RTL4: variants seen among roughly 807,000 people sequenced by gnomAD.
RTL4 encodes retrotransposon Gag like 4.
In RTL4, 4 loss-of-function variants were observed where a neutral mutation model predicts 5.3. The observed-to-expected ratio is 0.75, with a 90% CI of 0.37 to 1.72. The LOEUF is 1.72. Among genes scored for constraint, RTL4 ranks in the 40% most tolerant of loss-of-function variants. The probability of loss-of-function intolerance (pLI) is 0.04; values close to 1 mark genes in which losing one functional copy is unlikely to be tolerated. For missense variants in RTL4, 260 were observed against 227.1 expected (o/e 1.14, Z -0.93); for synonymous variants, 98 against 87.3 (o/e 1.12, Z -0.68).
At chrX:112,446,933 G>C in the RTL4 span, among the ~76,000 whole-genome samples, 2 of 112,220 alleles carry the variant, frequency 1.8e-5, no homozygotes, top group Non-Finnish European at 3.8e-5. Context: ...TCTAACTATG[G>C]CTGTTATGGA....
the RTL4 span, among the ~76,000 whole-genome samples, chrX:112,413,429 T>C: frequency 9.0e-6 from 1 of 111,715 alleles, no homozygotes; most frequent in Non-Finnish European, 1.9e-5. Context: ...CTATTTACAA[T>C]AGCCAAGACT....
At chrX:112,214,002 CTATT>C in the RTL4 span, among the ~76,000 whole-genome samples, 2 of 111,244 alleles carry the variant, frequency 1.8e-5, no homozygotes, top group African/African-American at 6.5e-5. Context: ...TCCCCTTGCC[CTATT>C]TATTTATTTA....
chrX:112,401,366 C>G, the RTL4 span, among the ~76,000 whole-genome samples: 1 of 111,395 alleles, frequency 9.0e-6, no homozygotes, highest in African/African-American at 3.3e-5. Flanking sequence ...AGGTACCATC[C>G]CATCTGTGTA....
chrX:112,414,388 G>A, the RTL4 span, among the ~76,000 whole-genome samples: 6 of 111,314 alleles, frequency 5.4e-5, no homozygotes, highest in African/African-American at 9.7e-5. Context: ...TTTAAGTCTC[G>A]TTTAGAAAGG....
the RTL4 span, among the ~76,000 whole-genome samples, chrX:112,438,026 T>G: frequency 9.0e-6 from 1 of 111,669 alleles, no homozygotes; most frequent in Non-Finnish European, 1.9e-5. Context: ...AGATGACTTC[T>G]GTCTTTGTAA....
chrX:112,193,550 T>A, the RTL4 span, among the ~76,000 whole-genome samples: 1 of 111,715 alleles, frequency 9.0e-6, no homozygotes, highest in Non-Finnish European at 1.9e-5. Context: ...TATAGATCCC[T>A]GAGTTTATCC....
chrX:112,134,315 G>A, the RTL4 span, among the ~76,000 whole-genome samples: 71 of 112,033 alleles, frequency 6.3e-4, no homozygotes, highest in African/African-American at 2.3e-3. Context: ...CCACTGGACC[G>A]CTAACACTCT....
the RTL4 span, among the ~76,000 whole-genome samples, chrX:112,283,152 T>C: frequency 9.0e-6 from 1 of 111,673 alleles, no homozygotes; most frequent in Non-Finnish European, 1.9e-5. Context: ...TTAAATTAAC[T>C]CTTATCATTT....
the RTL4 span, among the ~76,000 whole-genome samples, chrX:112,155,350 AT>A: frequency 9.0e-6 from 1 of 110,941 alleles, no homozygotes; most frequent in African/African-American, 3.3e-5. Flanking sequence ...GTCTTAGGCA[AT>A]TGCAATATTA....
At chrX:112,099,458 A>G in the RTL4 span, among the ~76,000 whole-genome samples, 4 of 111,367 alleles carry the variant, frequency 3.6e-5, no homozygotes, top group Non-Finnish European at 7.6e-5. Context: ...AAGTGTGCCA[A>G]AGAAAGACTA....
At chrX:112,355,414 C>T in the RTL4 span, among the ~76,000 whole-genome samples, 44 of 111,529 alleles carry the variant, frequency 3.9e-4, no homozygotes, top group Non-Finnish European at 7.7e-4. Flanking sequence ...CAGGCTAGAA[C>T]ATAATATCAT....
chrX:112,187,587 C>T, the RTL4 span, among the ~76,000 whole-genome samples: 3 of 111,596 alleles, frequency 2.7e-5, no homozygotes, highest in Non-Finnish European at 5.6e-5. Flanking sequence ...GGTTAGGACC[C>T]GATATGCCAT....
At chrX:112,362,590 A>G in the RTL4 span, among the ~76,000 whole-genome samples, 1,644 of 111,283 alleles carry the variant, frequency 0.015, 34 homozygotes, top group African/African-American at 0.051. Context: ...AGTACAGTGC[A>G]GCTGGAGCAA....
At chrX:112,221,017 C>T in the RTL4 span, among the ~76,000 whole-genome samples, 1 of 112,006 alleles carries the variant, frequency 8.9e-6, no homozygotes, top group Non-Finnish European at 1.9e-5. Flanking sequence ...CTCTCAGTAC[C>T]AATTTTCTTT....
chrX:112,353,661 C>T, the RTL4 span, among the ~76,000 whole-genome samples: 4 of 109,857 alleles, frequency 3.6e-5, no homozygotes, highest in African/African-American at 1.3e-4. Flanking sequence ...GGAAGGGGAA[C>T]ATCACACTCC....
chrX:112,228,007 T>C, the RTL4 span, among the ~76,000 whole-genome samples: 1 of 111,586 alleles, frequency 9.0e-6, no homozygotes, highest in Non-Finnish European at 1.9e-5. Context: ...CTTCACTCTC[T>C]GCTAGTCTGC....
the RTL4 span, among the ~76,000 whole-genome samples, chrX:112,413,868 A>G: frequency 1.8e-5 from 2 of 111,180 alleles, no homozygotes; most frequent in Non-Finnish European, 3.8e-5. Flanking sequence ...TGTAACACAA[A>G]CGATAAATGC....
exon 1 of RTL4, chrX:112,456,381 T>C (rs1926844930): frequency 3.2e-6 from 1 of 308,945 alleles, no homozygotes; most frequent in East Asian, 4.7e-5. Context: ...GGTCCCTTTT[T>C]CTTTGCAGGC....
the RTL4 span, among the ~76,000 whole-genome samples, chrX:112,155,401 G>C: frequency 9.0e-6 from 1 of 111,316 alleles, no homozygotes; most frequent in Non-Finnish European, 1.9e-5. Context: ...CCAAGGAAAA[G>C]GCTATTTGCA....
Sources: allele counts gnomAD v4.1 joint callset (sites outside exome capture counted in the v4.1 genomes callset), GRCh38; gene constraint gnomAD v4.1.1; transcripts MANE v1.5; gene names NCBI Gene and HGNC (gene_info 2026-07-23, HGNC 2026-07-21).